CCDC141: variants seen among roughly 807,000 people sequenced by gnomAD.
The protein encoded by CCDC141 is coiled-coil domain-containing protein 141.
A neutral mutation model predicts 181.0 loss-of-function variants in CCDC141; 168 were observed. That is an observed-to-expected ratio of 0.93 (90% CI 0.82 to 1.05). CCDC141 has a LOEUF of 1.05. Ranked by LOEUF, CCDC141 falls within the 50% of genes least tolerant of loss-of-function variation. The pLI is 0.00. For missense variants in CCDC141, 1,902 were observed against 1,788.5 expected, an observed-to-expected ratio of 1.06 and a Z score of -1.14; for synonymous variants, 666 against 642.3, an observed-to-expected ratio of 1.04 and a Z score of -0.56.
At chr2:179,015,589 C>T (rs371164377) in intron 2 of CCDC141, among the ~76,000 whole-genome samples, 474 of 20,584 alleles carry the variant, frequency 0.023, no homozygotes, top group Admixed American at 0.047. Flanking sequence ...ATATATATCT[C>T]ATATGTATCT....
chr2:178,945,540 C>T (rs1361565695), intron 5 of CCDC141, among the ~76,000 whole-genome samples: 1 of 152,248 alleles, frequency 6.6e-6, no homozygotes, highest in East Asian at 1.9e-4. Context: ...CTCCAGTCTG[C>T]AGGATTTCAA....
chr2:178,977,936 A>G (rs1350821961), intron 3 of CCDC141, among the ~76,000 whole-genome samples: 4 of 152,326 alleles, frequency 2.6e-5, no homozygotes, highest in African/African-American at 9.6e-5. Flanking sequence ...GTCTAGGAGG[A>G]CTTTTTCCTT....
At chr2:178,845,874 A>T in intron 21 of CCDC141, 132 bp from the exon 22 acceptor site, 1 of 684,448 alleles carries the variant, frequency 1.5e-6, no homozygotes, top group Non-Finnish European at 2.6e-6. Context: ...AGACTGGTGT[A>T]CTCCCATGAT....
rs139092579 is a variant in CCDC141 at position 179,032,563 on chromosome 2, G to A, written c.225+14721C>T. On this transcript the variant is annotated intron_variant, in intron 2 of 23. Coordinates refer to ENST00000443758, the MANE Select transcript of CCDC141 (RefSeq NM_173648.4). ...TGTCAGTTTGTCTTTGAATTCAACC[G>A]GGAAATACCAGAGCAAGGACATATG... 2.9e-3 allele frequency among the ~76,000 whole-genome samples: 444 copies of A among 152,194 alleles called. 4 individuals are homozygous for A. The highest frequency in any genetic ancestry group is 0.01 in the African/African-American group (424 of 41,514).
At chr2:178,963,414 T>C (rs10173117) in intron 4 of CCDC141, among the ~76,000 whole-genome samples, 2 of 147,366 alleles carry the variant, frequency 1.4e-5, no homozygotes, top group Non-Finnish European at 3.1e-5. Flanking sequence ...AAATATACTG[T>C]TTTTTTTTGT....
In CCDC141 at chr2:178,900,127, A is replaced by G. The variant is rs566155319; in HGVS notation, c.1265+5202T>C. 2.0e-5 allele frequency among the ~76,000 whole-genome samples: 3 copies of G among 152,288 alleles called. No individual in the cohort carries two copies. In the East Asian group the frequency reaches 5.8e-4, roughly 29 times the overall value. On this transcript the variant is annotated intron_variant, in intron 8 of 23. Transcript: ENST00000443758. ...TAAAATATTATAATATCTCGAGGAA[A>G]CCAAATACCTTGGAACTACAATGTT...
chr2:178,868,906 G>T (rs1424628515), intron 15 of CCDC141, among the ~76,000 whole-genome samples: 1 of 152,112 alleles, frequency 6.6e-6, no homozygotes, highest in African/African-American at 2.4e-5. Context: ...TGGAGTTAGG[G>T]ATGTGTGCAT....
chr2:179,048,784 C>G (rs990956803), intron 1 of CCDC141, among the ~76,000 whole-genome samples: 1 of 152,196 alleles, frequency 6.6e-6, no homozygotes. Context: ...AAATCCACCT[C>G]GGCAGGAATA....
chr2:178,843,218 A>C (rs1315167146), intron 22 of CCDC141, among the ~76,000 whole-genome samples: 1 of 152,176 alleles, frequency 6.6e-6, no homozygotes, highest in African/African-American at 2.4e-5. Context: ...AAAATTCAGG[A>C]GAATTGGGGT....
At chr2:178,931,136 T>C (rs1689081494) in intron 6 of CCDC141, among the ~76,000 whole-genome samples, 1 of 152,114 alleles carries the variant, frequency 6.6e-6, no homozygotes, top group African/African-American at 2.4e-5. Context: ...TCATGCAGAC[T>C]ATGACGACTA....
chr2:178,848,580 A>G (rs1685034548), intron 21 of CCDC141, among the ~76,000 whole-genome samples: 1 of 152,240 alleles, frequency 6.6e-6, no homozygotes, highest in East Asian at 1.9e-4. Context: ...TCTTTCAGGA[A>G]GAATAGCCAT....
At chr2:179,032,074 C>T (rs971139166) in intron 2 of CCDC141, among the ~76,000 whole-genome samples, 1 of 152,046 alleles carries the variant, frequency 6.6e-6, no homozygotes, top group Admixed American at 6.5e-5. Context: ...CTCTGTCTTC[C>T]CACTTTACTG....
chr2:178,998,441 G>A (rs550332574), intron 2 of CCDC141, among the ~76,000 whole-genome samples: 1 of 152,212 alleles, frequency 6.6e-6, no homozygotes, highest in East Asian at 1.9e-4. Flanking sequence ...AAAGATTGAG[G>A]AGGAATCTAG....
At chr2:178,885,682 G>A (rs1239723747) in intron 10 of CCDC141, among the ~76,000 whole-genome samples, 2 of 152,142 alleles carry the variant, frequency 1.3e-5, no homozygotes, top group African/African-American at 2.4e-5. Flanking sequence ...TTTCTGTTAT[G>A]TGAACTCCAA....
intron 6 of CCDC141, among the ~76,000 whole-genome samples, chr2:178,940,585 A>G (rs999895464): frequency 6.6e-5 from 10 of 152,158 alleles, no homozygotes; most frequent in Non-Finnish European, 1.3e-4. Flanking sequence ...CTGAGGGCTA[A>G]AAAAATGTTT....
At chr2:178,834,577 A>G in intron 23 of CCDC141, 137 bp from the exon 24 acceptor site, 2 of 938,328 alleles carry the variant, frequency 2.1e-6, no homozygotes, top group Non-Finnish European at 3.1e-6. Flanking sequence ...TAGCCACAAC[A>G]AATTCCAGTG....
chr2:178,981,935 T>G (rs1010724360), intron 2 of CCDC141, among the ~76,000 whole-genome samples: 1 of 151,142 alleles, frequency 6.6e-6, no homozygotes, highest in Non-Finnish European at 1.5e-5. Context: ...AGAAACAAAT[T>G]ACTAATATTG....
chr2:179,045,169 G>T (rs372021138), intron 2 of CCDC141, among the ~76,000 whole-genome samples: 3 of 122,198 alleles, frequency 2.5e-5, no homozygotes, highest in African/African-American at 9.9e-5. Flanking sequence ...CCCTCCCCTC[G>T]ACCCCACAAC....
At chr2:178,891,305 G>A (rs1575176923) in intron 8 of CCDC141, among the ~76,000 whole-genome samples, 1 of 152,096 alleles carries the variant, frequency 6.6e-6, no homozygotes, top group East Asian at 1.9e-4. Context: ...GAGCTGAGTA[G>A]GATTGTTATC....
Sources: allele counts gnomAD v4.1 joint callset (sites outside exome capture counted in the v4.1 genomes callset), GRCh38; gene constraint gnomAD v4.1.1; transcripts MANE v1.5; gene names NCBI Gene and HGNC (gene_info 2026-07-23, HGNC 2026-07-21).